STAG1: variants seen among roughly 807,000 people sequenced by gnomAD.
STAG1 encodes STAG1 cohesin complex component.
A neutral mutation model predicts 170.9 loss-of-function variants in STAG1; 26 were observed. The observed-to-expected ratio is 0.15, with a 90% CI of 0.11 to 0.21. The LOEUF is 0.21. Among genes scored for constraint, STAG1 ranks in the 10% least tolerant of loss-of-function variants. The pLI, the probability that STAG1 is intolerant of heterozygous loss-of-function variation, is 1.00. For missense variants in STAG1, 964 were observed against 1,509.5 expected, an observed-to-expected ratio of 0.64 and a Z score of 5.99; for synonymous variants, 514 against 497.7, an observed-to-expected ratio of 1.03 and a Z score of -0.44.
At chr3:136,344,485 C>T (rs745361759) in intron 29 of STAG1, among the ~76,000 whole-genome samples, 1 of 152,118 alleles carries the variant, frequency 6.6e-6, no homozygotes, top group Non-Finnish European at 1.5e-5. Flanking sequence ...CACAACTAGA[C>T]ACTGGTCAGT....
rs141615845 is a variant in STAG1, at chr3:136,620,997, G to A, written c.132+2149C>T. ...CAAAAAATTAGCTGGGTGTGGTGGC[G>A]CACGCCTGTAGTCCCAGCTACTCAG... On this transcript the variant is annotated intron_variant, in intron 3 of 33. Transcript: ENST00000383202. Among the ~76,000 whole-genome samples the A allele has an allele frequency of 1.3e-3, 193 of 152,114 alleles. 1 individual carries two copies. The highest frequency in any genetic ancestry group is 4.2e-3 in the African/African-American group (174 of 41,500).
At chr3:136,439,420 A>ACACG (rs1459148339) in intron 15 of STAG1, among the ~76,000 whole-genome samples, 2 of 142,452 alleles carry the variant, frequency 1.4e-5, no homozygotes, top group Non-Finnish European at 3.1e-5. Flanking sequence ...ACACACACAC[A>ACACG]CACACACACA....
intron 14 of STAG1, among the ~76,000 whole-genome samples, chr3:136,451,644 T>G (rs1002623108): frequency 7.9e-5 from 12 of 151,896 alleles, no homozygotes; most frequent in Admixed American, 7.9e-4. Context: ...GCACCTGTAG[T>G]CCCAGCTACT....
At chr3:136,739,467 C>T (rs1934534233) in intron 1 of STAG1, among the ~76,000 whole-genome samples, 1 of 141,324 alleles carries the variant, frequency 7.1e-6, no homozygotes, top group African/African-American at 2.7e-5. Flanking sequence ...GCCGTGATCA[C>T]GTCACAGCAC....
intron 6 of STAG1, among the ~76,000 whole-genome samples, chr3:136,523,840 A>G (rs1417968852): frequency 6.6e-6 from 1 of 152,122 alleles, no homozygotes; most frequent in African/African-American, 2.4e-5. Flanking sequence ...AGCACCATTC[A>G]TTAAATAGGG....
At chr3:136,552,294 A>C (rs571382583) in intron 5 of STAG1, among the ~76,000 whole-genome samples, 4 of 152,224 alleles carry the variant, frequency 2.6e-5, no homozygotes, top group Non-Finnish European at 5.9e-5. Context: ...TTTTTTTGAA[A>C]AATTTCAGCA....
chr3:136,685,301 A>C (rs2107891374), intron 1 of STAG1, among the ~76,000 whole-genome samples: 1 of 151,894 alleles, frequency 6.6e-6, no homozygotes, highest in South Asian at 2.1e-4. Flanking sequence ...GGGCGACAGA[A>C]TGAGACTTCC....
At position 136,369,225 on chromosome 3, in the gene STAG1, C is replaced by T. The variant is rs1456929912; in HGVS notation, c.2428G>A (p.Gly810Ser). 1 of 1,604,120 alleles carries T rather than the reference C, an allele frequency of 6.2e-7. No homozygotes were observed. Among genetic ancestry groups the T allele is most frequent in the Admixed American group, 1.8e-5 (1 of 56,874 alleles). The change falls in exon 24 of 34, where the codon GGC becomes AGC. Residue 810 changes from glycine (G) to serine (S), a missense_variant. Transcript: ENST00000383202. ...MIFSHQLMTG[G>S]REGLQPLVFN... is the part of the protein sequence containing the mutation. ...ACCAAAGGCTGAAGGCCCTCTCTGC[C>T]ACCTGTCATTAATTGGTGGCTGAAA...
chr3:136,644,447 G>A (rs1000399438), intron 1 of STAG1, among the ~76,000 whole-genome samples: 1 of 152,080 alleles, frequency 6.6e-6, no homozygotes, highest in African/African-American at 2.4e-5. Flanking sequence ...CCTCTGATCA[G>A]GTTTCTCCTC....
At chr3:136,367,316 T>C (rs535559851) in intron 24 of STAG1, among the ~76,000 whole-genome samples, 12 of 152,246 alleles carry the variant, frequency 7.9e-5, no homozygotes, top group Admixed American at 5.2e-4. Context: ...GAGATTATCA[T>C]AGTAAAGACT....
intron 1 of STAG1, among the ~76,000 whole-genome samples, chr3:136,640,305 C>T (rs965730665): frequency 1.3e-5 from 2 of 151,618 alleles, no homozygotes; most frequent in Non-Finnish European, 2.9e-5. Flanking sequence ...TGTGTGGTTA[C>T]TTTAAATCCA....
At chr3:136,589,845 C>A (rs892484506) in intron 4 of STAG1, among the ~76,000 whole-genome samples, 1 of 151,722 alleles carries the variant, frequency 6.6e-6, no homozygotes, top group Non-Finnish European at 1.5e-5. Context: ...GCAGGAGGAT[C>A]GCCTGAATCC....
At chr3:136,415,831 A>G (rs1005606804) in intron 21 of STAG1, among the ~76,000 whole-genome samples, 3 of 152,190 alleles carry the variant, frequency 2.0e-5, no homozygotes, top group Admixed American at 1.3e-4. Flanking sequence ...CAAACAAACA[A>G]ACAAAAAAGA....
intron 1 of STAG1, among the ~76,000 whole-genome samples, chr3:136,712,279 G>C (rs1364855134): frequency 1.3e-5 from 2 of 152,106 alleles, no homozygotes; most frequent in Non-Finnish European, 2.9e-5. Flanking sequence ...GCCTCCAAAA[G>C]TGCTGGGATT....
At chr3:136,683,218 G>A (rs9826828) in intron 1 of STAG1, among the ~76,000 whole-genome samples, 2,023 of 152,050 alleles carry the variant, frequency 0.013, 28 homozygotes, top group Middle Eastern at 0.031. Context: ...ATTACCAATT[G>A]TATATTTAAA....
intron 1 of STAG1, among the ~76,000 whole-genome samples, chr3:136,749,873 AT>A (rs753304754): frequency 7.2e-5 from 11 of 152,148 alleles, no homozygotes; most frequent in Non-Finnish European, 1.5e-4. Flanking sequence ...AGCTGAAATA[AT>A]TGTTAATCTG....
intron 32 of STAG1, 93 bp from the exon 33 acceptor site, chr3:136,338,543 T>C: frequency 2.3e-6 from 2 of 862,204 alleles, no homozygotes; most frequent in Admixed American, 2.2e-5. Flanking sequence ...GTATCATAAA[T>C]ATATGGAACT....
intron 1 of STAG1, among the ~76,000 whole-genome samples, chr3:136,651,313 C>CT (rs1372353487): frequency 6.7e-6 from 1 of 148,420 alleles, no homozygotes; most frequent in Non-Finnish European, 1.5e-5. Flanking sequence ...CTGCAGTGAG[C>CT]TAAGATTATG....
chr3:136,545,075 G>T (rs921547913), intron 5 of STAG1, among the ~76,000 whole-genome samples: 2 of 151,516 alleles, frequency 1.3e-5, no homozygotes, highest in Admixed American at 1.3e-4. Context: ...TTGAGATTGT[G>T]TCTTGCTCTG....
Sources: allele counts gnomAD v4.1 joint callset (sites outside exome capture counted in the v4.1 genomes callset), GRCh38; gene constraint gnomAD v4.1.1; transcripts MANE v1.5; gene names NCBI Gene and HGNC (gene_info 2026-07-23, HGNC 2026-07-21).